The following TSGA10IP variants were observed in gnomAD, a reference collection of about 807,000 sequenced individuals.
TSGA10IP encodes the protein testis-specific protein 10-interacting protein.
Under a neutral mutation model 63.2 loss-of-function variants are expected in TSGA10IP, and 64 were observed. The observed-to-expected ratio is 1.01, with a 90% CI of 0.83 to 1.25. TSGA10IP has a LOEUF of 1.25. Ranked by LOEUF, TSGA10IP falls within the 50% of genes most tolerant of loss-of-function variation. The pLI is 0.00. For synonymous variants in TSGA10IP, 316 were observed against 298.3 expected, an observed-to-expected ratio of 1.06 and a Z score of -0.61; for missense variants, 681 against 710.1, an observed-to-expected ratio of 0.96 and a Z score of 0.47.
intron 5 of TSGA10IP, 106 bp downstream of exon 5, chr11:65,953,843 C>T (rs768446731): frequency 1.8e-5 from 17 of 938,702 alleles, no homozygotes; most frequent in Non-Finnish European, 2.3e-5. Context: ...TTCCCTGGGG[C>T]TAACCAGGCC....
At chr11:65,953,645 T>C (rs771119134) in exon 5 of TSGA10IP, 3 of 1,590,762 alleles carry the variant, frequency 1.9e-6, no homozygotes, top group Non-Finnish European at 1.7e-6. Context: ...GGACACAGCA[T>C]GTACAGCGGC....
exon 4 of TSGA10IP, chr11:65,948,025 C>A: frequency 6.4e-7 from 1 of 1,564,750 alleles, no homozygotes; most frequent in Non-Finnish European, 8.7e-7. Flanking sequence ...CCCTGGAAGA[C>A]TTTGAGGGCT....
rs1249126514 is a variant in TSGA10IP at position 65,947,109 on chromosome 11, G to T, written c.285-1G>T. 1.2e-6 allele frequency: 2 copies of T among 1,609,698 alleles called. No individual in the cohort carries two copies. The highest frequency in any genetic ancestry group is 1.7e-6 in the Non-Finnish European group (2 of 1,176,626). On this transcript the variant is annotated splice_acceptor_variant, in intron 2 of 7. Coordinates refer to ENST00000532620, the Ensembl canonical transcript of TSGA10IP. LOFTEE classifies it high-confidence loss of function. Reference sequence around the variant, plus strand: ...CTGACCCCCACCCTTTCCTTCTTCAGTCACTTCCCGCTTCTTCCTCGGAAA... The same window carrying T: ...CTGACCCCCACCCTTTCCTTCTTCATTCACTTCCCGCTTCTTCCTCGGAAA...
exon 1 of TSGA10IP, chr11:65,945,811 CAGGACA>C: frequency 1.9e-6 from 3 of 1,613,846 alleles, no homozygotes; most frequent in Non-Finnish European, 2.5e-6. Context: ...GACCGTCTCT[CAGGACA>C]AGCAGGTGAG....
Position 65,945,737 on chromosome 11 carries a change from GA to G in TSGA10IP, c.63del (p.Pro22GlnfsTer148), listed in dbSNP as rs746284294. ...CAGTTGGTTAGGACCCCGTCGGTGC[GA>G]CCAGGGCAGGACGTGCGGCTCCAGG... On this transcript the variant is annotated frameshift_variant, in exon 1 of 8. Transcript: ENST00000532620. LOFTEE classifies it high-confidence loss of function. The G allele has an allele frequency of 6.2e-7, 1 of 1,611,916 alleles. No homozygotes were observed. The highest frequency in any genetic ancestry group is 1.1e-5 in the South Asian group (1 of 91,070).
At chr11:65,955,315 T>C (rs997687774) in intron 5 of TSGA10IP, among the ~76,000 whole-genome samples, 1 of 152,080 alleles carries the variant, frequency 6.6e-6, no homozygotes, top group Admixed American at 6.6e-5. Flanking sequence ...GCAAAAGAGT[T>C]AGGTACTCGG....
chr11:65,952,858 T>C (rs2134877067), intron 4 of TSGA10IP, among the ~76,000 whole-genome samples: 1 of 151,550 alleles, frequency 6.6e-6, no homozygotes, highest in South Asian at 2.1e-4. Context: ...TTTTGCTGTT[T>C]GGAGTATTTT....
chr11:65,949,305 G>A (rs1854902012), intron 4 of TSGA10IP, among the ~76,000 whole-genome samples: 1 of 152,176 alleles, frequency 6.6e-6, no homozygotes, highest in Admixed American at 6.6e-5. Flanking sequence ...TGGATGGAGG[G>A]AGGGGATCCA....
At chr11:65,949,089 A>C (rs531357330) in intron 4 of TSGA10IP, among the ~76,000 whole-genome samples, 1 of 152,200 alleles carries the variant, frequency 6.6e-6, no homozygotes, top group Admixed American at 6.5e-5. Flanking sequence ...CTGTAGCCCC[A>C]GCTACTCCAG....
intron 7 of TSGA10IP, 118 bp from the exon 8 acceptor site, chr11:65,959,699 G>C: frequency 7.2e-7 from 1 of 1,386,100 alleles, no homozygotes; most frequent in Non-Finnish European, 9.6e-7. Flanking sequence ...GAGTCACTTT[G>C]CCCAGGATCA....
chr11:65,959,509 C>T (rs1164836299), intron 7 of TSGA10IP, among the ~76,000 whole-genome samples, 195 bp downstream of exon 7: 3 of 152,266 alleles, frequency 2.0e-5, no homozygotes, highest in Non-Finnish European at 2.9e-5. Context: ...TCTTTAAGGA[C>T]GCAGGAGCGA....
chr11:65,956,516 C>A (rs1170744583), intron 5 of TSGA10IP, among the ~76,000 whole-genome samples: 1 of 151,776 alleles, frequency 6.6e-6, no homozygotes, highest in African/African-American at 2.4e-5. Context: ...TGGGGGACTG[C>A]TTGGGCCAAT....
exon 3 of TSGA10IP, chr11:65,947,803 G>A (rs1380618235): frequency 2.5e-6 from 4 of 1,571,504 alleles, no homozygotes; most frequent in South Asian, 1.2e-5. Flanking sequence ...AGCTGCACAG[G>A]CAGCTACAGA....
rs546796802 is a variant in TSGA10IP, at chr11:65,947,363, G to A, written c.538G>A (p.Gly180Ser). The change falls in exon 3 of 8, where the codon GGT becomes AGT. Residue 180 changes from glycine to serine, a missense_variant. Coordinates refer to ENST00000532620, the Ensembl canonical transcript of TSGA10IP. ...GAGACAGCAGCTGGGAGCCTGGGGC[G>A]GTGTCTCCATCCCTACTGGCAAAGG... 2.2e-5 allele frequency: 35 copies of A among 1,611,706 alleles called. No individual in the cohort carries two copies. The highest frequency in any genetic ancestry group is 3.3e-4 in the Middle Eastern group (2 of 6,060).
chr11:65,954,677 G>A (rs1012441055), intron 5 of TSGA10IP, among the ~76,000 whole-genome samples: 1 of 152,062 alleles, frequency 6.6e-6, no homozygotes, highest in Non-Finnish European at 1.5e-5. Context: ...AAGTAGCCAG[G>A]TGCGGTGGCA....
exon 3 of TSGA10IP, chr11:65,947,551 G>A (rs1280542210): frequency 5.6e-6 from 9 of 1,613,722 alleles, no homozygotes; most frequent in Admixed American, 5.0e-5. Context: ...GGAGGGGGTC[G>A]ATCTCAGAGG....
chr11:65,945,677 T>G (rs1854813274), exon 1 of TSGA10IP: 1 of 1,612,658 alleles, frequency 6.2e-7, no homozygotes, highest in Non-Finnish European at 8.5e-7. Flanking sequence ...TGGGGCAGGA[T>G]GGGGCAGGAC....
chr11:65,945,489 G>A (rs779768414), exon 1 of TSGA10IP: 7 of 619,824 alleles, frequency 1.1e-5, no homozygotes, highest in Non-Finnish European at 1.9e-5. Context: ...CTTGGGCCTG[G>A]GTCTCTGCGC....
chr11:65,954,275 C>G (rs546135579), intron 5 of TSGA10IP, among the ~76,000 whole-genome samples: 2 of 151,916 alleles, frequency 1.3e-5, no homozygotes, highest in Non-Finnish European at 2.9e-5. Flanking sequence ...ACGCCATTCT[C>G]CTGCCTCAGT....
Sources: allele counts gnomAD v4.1 joint callset (sites outside exome capture counted in the v4.1 genomes callset), GRCh38; gene constraint gnomAD v4.1.1; transcripts MANE v1.5; gene names NCBI Gene and HGNC (gene_info 2026-07-23, HGNC 2026-07-21).